The following HIP1 variants were observed in gnomAD, a reference collection of about 807,000 sequenced individuals.
HIP1 encodes the protein huntingtin-interacting protein 1.
Under a neutral mutation model 147.6 loss-of-function variants are expected in HIP1, and 65 were observed. The observed-to-expected ratio is 0.44, with a 90% CI of 0.36 to 0.54. The LOEUF is 0.54. Ranked by LOEUF, HIP1 falls within the 20% of genes least tolerant of loss-of-function variation. The pLI, the probability that HIP1 is intolerant of heterozygous loss-of-function variation, is 0.00. For synonymous variants in HIP1, 479 were observed against 504.0 expected (o/e 0.95, Z 0.67); for missense variants, 1,061 against 1,299.6 (o/e 0.82, Z 2.82).
intron 1 of HIP1, among the ~76,000 whole-genome samples, chr7:75,637,787 C>G (rs1707964534): frequency 6.6e-6 from 1 of 151,922 alleles, no homozygotes; most frequent in Non-Finnish European, 1.5e-5. Flanking sequence ...GAATAGGACT[C>G]TCCCCTGTCA....
intron 1 of HIP1, among the ~76,000 whole-genome samples, chr7:75,736,628 A>C (rs1802028362): frequency 1.3e-5 from 2 of 152,118 alleles, no homozygotes; most frequent in Admixed American, 1.3e-4. Context: ...GGCAGCTAGC[A>C]GAGGCACTAA....
chr7:75,733,961 C>A (rs1165144656), intron 1 of HIP1, among the ~76,000 whole-genome samples: 12 of 151,880 alleles, frequency 7.9e-5, no homozygotes, highest in African/African-American at 2.7e-4. Flanking sequence ...AAAAAAAATT[C>A]TAGGCCAGGA....
intron 1 of HIP1, among the ~76,000 whole-genome samples, chr7:75,713,981 T>G (rs1584972204): frequency 6.6e-6 from 1 of 151,408 alleles, no homozygotes; most frequent in African/African-American, 2.4e-5. Context: ...ATTACAGGCA[T>G]GAGCCACTGT....
chr7:75,616,000 C>T (rs1299886364), intron 1 of HIP1, among the ~76,000 whole-genome samples: 4 of 140,618 alleles, frequency 2.8e-5, no homozygotes, highest in African/African-American at 1.1e-4. Flanking sequence ...GCAGGAGAAT[C>T]GCTTGAACCT....
chr7:75,560,372 C>T (rs1199563334), intron 13 of HIP1, among the ~76,000 whole-genome samples: 3 of 152,130 alleles, frequency 2.0e-5, no homozygotes, highest in African/African-American at 7.2e-5. Flanking sequence ...CTTCAGCCTC[C>T]CAAGTAGCTG....
At chr7:75,641,729 T>C (rs1427305227) in intron 1 of HIP1, among the ~76,000 whole-genome samples, 1 of 152,174 alleles carries the variant, frequency 6.6e-6, no homozygotes, top group Non-Finnish European at 1.5e-5. Context: ...ACTCCCGACC[T>C]CAGCCTCCCA....
chr7:75,720,400 A>T (rs1801463782), intron 1 of HIP1, among the ~76,000 whole-genome samples: 1 of 152,082 alleles, frequency 6.6e-6, no homozygotes, highest in Non-Finnish European at 1.5e-5. Context: ...ACCTCAAGTG[A>T]TCTGCCCGCG....
At chr7:75,661,514 AGTGAGCC>A (rs1799314090) in intron 1 of HIP1, among the ~76,000 whole-genome samples, 1 of 144,658 alleles carries the variant, frequency 6.9e-6, no homozygotes, top group South Asian at 2.3e-4. Flanking sequence ...CGGAGGTTGC[AGTGAGCC>A]GAGATCATGC....
Position 75,608,089 on chromosome 7 carries a change from G to A in HIP1, c.121-8842C>T, listed in dbSNP as rs587630925. ...TGGGAGGCTGAGGTAGGTGGATCAC[G>A]AGGTCAGGAGTTCAAGTTCGGCCTG... is the stretch of plus-strand genomic sequence containing the variant. On this transcript the variant is annotated intron_variant, in intron 1 of 30. Transcript: ENST00000336926. Among the ~76,000 whole-genome samples, 7 of 152,256 alleles carry A rather than the reference G, an allele frequency of 4.6e-5. No homozygotes were observed. The East Asian group carries it at 7.7e-4, about 17-fold the overall frequency.
intron 4 of HIP1, among the ~76,000 whole-genome samples, chr7:75,589,683 CAAAAAAAAAAAAAAAAAAAAAAA>C (rs1159535613): frequency 2.6e-4 from 13 of 49,638 alleles, no homozygotes; most frequent in Middle Eastern, 0.028. Flanking sequence ...ACTCTGTCTC[CAAAAAAAAAAAAAAAAAAAAAAA>C]AAAAAAAAAG....
intron 1 of HIP1, among the ~76,000 whole-genome samples, chr7:75,628,472 C>A (rs62475461): frequency 0.11 from 16,273 of 142,562 alleles, 1,347 homozygotes; most frequent in African/African-American, 0.23. Flanking sequence ...ATCTCCTGTA[C>A]CTCTTTTTTT....
At chr7:75,669,662 G>A (rs918726561) in intron 1 of HIP1, among the ~76,000 whole-genome samples, 1 of 152,098 alleles carries the variant, frequency 6.6e-6, no homozygotes, top group African/African-American at 2.4e-5. Context: ...TCTACTTTCT[G>A]TCTCCATGGA....
At chr7:75,666,774 G>T (rs1015876) in intron 1 of HIP1, among the ~76,000 whole-genome samples, 105,998 of 151,958 alleles carry the variant, frequency 0.7, 37,282 homozygotes, top group African/African-American at 0.77. Context: ...AGATCACCTG[G>T]GACCAGAGGA....
chr7:75,669,484 C>T (rs1307789199), intron 1 of HIP1, among the ~76,000 whole-genome samples: 1 of 152,130 alleles, frequency 6.6e-6, no homozygotes, highest in African/African-American at 2.4e-5. Flanking sequence ...ATCACTTGAA[C>T]CCGGGAGGCA....
chr7:75,728,165 G>A (rs1801713549), intron 1 of HIP1, among the ~76,000 whole-genome samples: 1 of 152,202 alleles, frequency 6.6e-6, no homozygotes, highest in African/African-American at 2.4e-5. Context: ...TTAAACACAA[G>A]CCATAGGCCA....
chr7:75,636,560 A>G (rs1554509724), intron 1 of HIP1, among the ~76,000 whole-genome samples: 1 of 152,186 alleles, frequency 6.6e-6, no homozygotes, highest in Non-Finnish European at 1.5e-5. Context: ...AACAGAAAGT[A>G]CTTTTGGCCT....
At chr7:75,631,045 T>C (rs904724809) in intron 1 of HIP1, among the ~76,000 whole-genome samples, 11 of 152,236 alleles carry the variant, frequency 7.2e-5, no homozygotes, top group Non-Finnish European at 1.3e-4. Context: ...CCTTGAACTC[T>C]TGGGCTCAAG....
chr7:75,648,778 G>A (rs1321526521), intron 1 of HIP1, among the ~76,000 whole-genome samples: 2 of 152,056 alleles, frequency 1.3e-5, no homozygotes, highest in Non-Finnish European at 2.9e-5. Flanking sequence ...TGCCCAGAGA[G>A]CAGACCCTGG....
At chr7:75,564,644 G>C (rs1554495201) in intron 9 of HIP1, among the ~76,000 whole-genome samples, 1 of 152,116 alleles carries the variant, frequency 6.6e-6, no homozygotes, top group Non-Finnish European at 1.5e-5. Context: ...GCCCAGGCTG[G>C]AGTATAGTGG....
Sources: gnomAD v4.1 joint callset for allele counts (sites outside exome capture counted in the v4.1 genomes callset) on GRCh38, gnomAD v4.1.1 for gene constraint, MANE v1.5 for transcripts, NCBI Gene and HGNC (gene_info 2026-07-23, HGNC 2026-07-21) for gene names.